Variants in GPC6 observed in about 807,000 individuals in gnomAD.
GPC6 encodes glypican 6.
A neutral mutation model predicts 55.2 loss-of-function variants in GPC6; 14 were observed. That is an observed-to-expected ratio of 0.25 (90% CI 0.17 to 0.40). The LOEUF (loss-of-function observed/expected upper bound fraction) is 0.40, where lower values mean the gene tolerates loss of function less well. Ranked by LOEUF, GPC6 falls within the 10% of genes least tolerant of loss-of-function variation. The pLI, the probability that GPC6 is intolerant of heterozygous loss-of-function variation, is 1.00. For missense variants in GPC6, 641 were observed against 708.5 expected, an observed-to-expected ratio of 0.90 and a Z score of 1.08; for synonymous variants, 278 against 259.6, an observed-to-expected ratio of 1.07 and a Z score of -0.68.
rs570444925 is a variant in GPC6 at position 94,067,008 on chromosome 13, T to C, written c.877+39114T>C. Among the ~76,000 whole-genome samples, 39 of 152,348 alleles carry C rather than the reference T, an allele frequency of 2.6e-4. No homozygotes were observed. The South Asian group carries it at 7.5e-3, about 29-fold the overall frequency. Reference sequence around the variant, plus strand: ...GCGATCACCAAAACATTACATTTTTTAACTTTCAAGGTATTTTTGAACTGT... The same window carrying C: ...GCGATCACCAAAACATTACATTTTTCAACTTTCAAGGTATTTTTGAACTGT... On this transcript the variant is annotated intron_variant, in intron 4 of 8. Coordinates refer to ENST00000377047, the MANE Select transcript of GPC6 (RefSeq NM_005708.5).
Position 93,351,188 on chromosome 13 carries a change from A to G in GPC6, c.160+123572A>G, listed in dbSNP as rs577853593. On this transcript the variant is annotated intron_variant, in intron 1 of 8. Coordinates refer to ENST00000377047, the MANE Select transcript of GPC6 (RefSeq NM_005708.5). ...GTTAAATTAGTCTGATAAACAAGAA[A>G]CAGCATTCCCAACAGGTGGAATATT... Among the ~76,000 whole-genome samples the G allele has an allele frequency of 5.9e-5, 9 of 152,310 alleles. No homozygotes were observed. In the South Asian group the frequency reaches 1.9e-3, roughly 32 times the overall value.
intron 1 of GPC6, among the ~76,000 whole-genome samples, chr13:93,374,091 A>G (rs563029704): frequency 6.6e-6 from 1 of 152,280 alleles, no homozygotes; most frequent in African/African-American, 2.4e-5. Flanking sequence ...TGTTTCCTGT[A>G]GCTATACATA....
At chr13:93,747,917 CA>C (rs1434679786) in intron 2 of GPC6, among the ~76,000 whole-genome samples, 2 of 152,132 alleles carry the variant, frequency 1.3e-5, no homozygotes, top group Non-Finnish European at 2.9e-5. Context: ...GCGGGCCTTT[CA>C]GGGGAGGGTC....
At chr13:93,503,269 G>T (rs939586968) in intron 1 of GPC6, among the ~76,000 whole-genome samples, 9 of 152,228 alleles carry the variant, frequency 5.9e-5, no homozygotes, top group Middle Eastern at 6.8e-3. Flanking sequence ...CATCTTTGTT[G>T]TCTCACACAA....
intron 2 of GPC6, among the ~76,000 whole-genome samples, chr13:93,713,090 G>C (rs896960442): frequency 6.6e-6 from 1 of 151,428 alleles, no homozygotes; most frequent in African/African-American, 2.4e-5. Context: ...ATGGCTCTTT[G>C]ATTAAACAGA....
chr13:94,128,520 G>A (rs1327706551), intron 4 of GPC6, among the ~76,000 whole-genome samples: 1 of 152,136 alleles, frequency 6.6e-6, no homozygotes, highest in East Asian at 1.9e-4. Context: ...TTGGATCCTA[G>A]GTGACATAGC....
rs559939236 is a variant in GPC6, at chr13:93,473,096, G to A, written c.161-72167G>A. Among the ~76,000 whole-genome samples the A allele has an allele frequency of 3.9e-5, 6 of 152,286 alleles. No individual in the cohort carries two copies. The East Asian group carries it at 1.2e-3, about 30-fold the overall frequency. On this transcript the variant is annotated intron_variant, in intron 1 of 8. Coordinates refer to ENST00000377047, the MANE Select transcript of GPC6 (RefSeq NM_005708.5). ...TTGGTCCATGGGTGGCCATGGGTGG[G>A]CCCAGAAAAGTCACTGCAATTCCCA...
intron 2 of GPC6, among the ~76,000 whole-genome samples, chr13:93,663,635 G>T (rs532448937): frequency 1.0e-3 from 155 of 152,150 alleles, no homozygotes; most frequent in African/African-American, 3.4e-3. Flanking sequence ...AAATTGTATT[G>T]TACCTTCTTT....
intron 6 of GPC6, among the ~76,000 whole-genome samples, chr13:94,366,691 G>A (rs1390874976): frequency 6.6e-6 from 1 of 152,170 alleles, no homozygotes; most frequent in East Asian, 1.9e-4. Context: ...CAAGTTCCTT[G>A]GGGATTTCTG....
intron 3 of GPC6, among the ~76,000 whole-genome samples, chr13:93,845,187 C>G (rs1329049132): frequency 4.6e-5 from 7 of 152,044 alleles, no homozygotes; most frequent in African/African-American, 1.7e-4. Flanking sequence ...TGAACAGACA[C>G]TTCTCAAAAG....
At chr13:93,880,574 G>A (rs147324443) in intron 3 of GPC6, among the ~76,000 whole-genome samples, 5,226 of 152,096 alleles carry the variant, frequency 0.034, 263 homozygotes, top group East Asian at 0.17. Context: ...TGGGGTTGGG[G>A]GAGGAGGTAG....
intron 4 of GPC6, among the ~76,000 whole-genome samples, chr13:94,166,104 C>T (rs1321114367): frequency 6.6e-6 from 1 of 152,122 alleles, no homozygotes; most frequent in South Asian, 2.1e-4. Flanking sequence ...TGTGAGACCT[C>T]CCTGTCGATA....
chr13:93,306,164 G>T (rs1245251988), intron 1 of GPC6, among the ~76,000 whole-genome samples: 3 of 152,126 alleles, frequency 2.0e-5, no homozygotes, highest in Non-Finnish European at 4.4e-5. Context: ...TTGTTAAAAA[G>T]TGCAAAGTGG....
At chr13:93,655,694 A>G (rs903157486) in intron 2 of GPC6, among the ~76,000 whole-genome samples, 8 of 152,170 alleles carry the variant, frequency 5.3e-5, no homozygotes, top group African/African-American at 1.9e-4. Context: ...GAAAAGTACA[A>G]TGGCAACTAG....
At chr13:93,522,537 A>G (rs1016381941) in intron 1 of GPC6, among the ~76,000 whole-genome samples, 18 of 151,916 alleles carry the variant, frequency 1.2e-4, no homozygotes, top group Non-Finnish European at 2.4e-4. Context: ...CTTTAACAAT[A>G]TTCCCTTTAT....
chr13:93,397,650 TG>T (rs1477307055), intron 1 of GPC6, among the ~76,000 whole-genome samples: 3 of 152,206 alleles, frequency 2.0e-5, no homozygotes, highest in Non-Finnish European at 2.9e-5. Flanking sequence ...TGCCAGGTAC[TG>T]TGCTGGGTTA....
intron 4 of GPC6, among the ~76,000 whole-genome samples, chr13:94,169,906 T>A (rs1566494733): frequency 6.6e-6 from 1 of 152,076 alleles, no homozygotes; most frequent in Admixed American, 6.5e-5. Context: ...AAAAATGAAC[T>A]TTTGCTTTAG....
chr13:93,524,528 T>C (rs1193017515), intron 1 of GPC6, among the ~76,000 whole-genome samples: 2 of 152,064 alleles, frequency 1.3e-5, no homozygotes, highest in East Asian at 1.9e-4. Context: ...AAGTTTACAT[T>C]GGTCCACCTC....
intron 4 of GPC6, among the ~76,000 whole-genome samples, chr13:94,036,801 G>C (rs1422796018): frequency 6.6e-6 from 1 of 151,900 alleles, no homozygotes. Context: ...TATCTCATAG[G>C]AAGCAAAATC....
Sources: gnomAD v4.1 joint callset for allele counts (sites outside exome capture counted in the v4.1 genomes callset) on GRCh38, gnomAD v4.1.1 for gene constraint, MANE v1.5 for transcripts, NCBI Gene and HGNC (gene_info 2026-07-23, HGNC 2026-07-21) for gene names.